TAMM41: variants seen among roughly 807,000 people sequenced by gnomAD.
TAMM41 encodes the protein TAM41 mitochondrial translocator assembly and maintenance homolog, also known as phosphatidate cytidylyltransferase, mitochondrial.
In TAMM41, 36 loss-of-function variants were observed where a neutral mutation model predicts 44.1. That is an observed-to-expected ratio of 0.82 (90% CI 0.63 to 1.08). The LOEUF is 1.08. Among genes scored for constraint, TAMM41 ranks in the 50% least tolerant of loss-of-function variants. The pLI, the probability that TAMM41 is intolerant of heterozygous loss-of-function variation, is 0.00. For synonymous variants in TAMM41, 164 were observed against 153.1 expected, an observed-to-expected ratio of 1.07 and a Z score of -0.53; for missense variants, 417 against 404.3, an observed-to-expected ratio of 1.03 and a Z score of -0.27.
downstream of TAMM41, among the ~76,000 whole-genome samples, chr3:11,788,690 C>G (rs551762424): frequency 1.3e-3 from 204 of 152,280 alleles, no homozygotes; most frequent in Non-Finnish European, 2.3e-3. Flanking sequence ...AATCCCAGCA[C>G]TTTGGGAGGC....
chr3:11,733,921 C>A, the TAMM41 span, among the ~76,000 whole-genome samples: 1,188 of 152,252 alleles, frequency 7.8e-3, 13 homozygotes, highest in African/African-American at 0.025. Flanking sequence ...CTCTGCCAGC[C>A]TCTGGGGCCC....
At chr3:11,810,881 G>C (rs1443989123) in intron 5 of TAMM41, 2 of 151,300 alleles carry the variant, frequency 1.3e-5, no homozygotes, top group Non-Finnish European at 2.9e-5. Flanking sequence ...CCTAGCAAAA[G>C]AGTGAGATAT....
At chr3:11,753,231 G>C in the TAMM41 span, among the ~76,000 whole-genome samples, 1 of 151,780 alleles carries the variant, frequency 6.6e-6, no homozygotes, top group Non-Finnish European at 1.5e-5. Context: ...TTCAAGACCA[G>C]CCTGGGCAAC....
the TAMM41 span, among the ~76,000 whole-genome samples, chr3:11,731,951 C>T: frequency 1.3e-5 from 2 of 151,680 alleles, no homozygotes. Flanking sequence ...ACTGCAACCG[C>T]TGCCTCCTGG....
At chr3:11,768,793 A>C in the TAMM41 span, among the ~76,000 whole-genome samples, 1 of 152,236 alleles carries the variant, frequency 6.6e-6, no homozygotes, top group South Asian at 2.1e-4. Flanking sequence ...GGGAGAGAGA[A>C]ACACATAAAT....
chr3:11,722,056 C>A, the TAMM41 span: 1 of 152,282 alleles, frequency 6.6e-6, no homozygotes, highest in African/African-American at 2.4e-5. Context: ...GTATTATTAT[C>A]TCATTTGATC....
At chr3:11,841,779 C>A (rs2079456812) in intron 2 of TAMM41, among the ~76,000 whole-genome samples, 1 of 152,104 alleles carries the variant, frequency 6.6e-6, no homozygotes, top group Non-Finnish European at 1.5e-5. Context: ...TAGCTGCAGG[C>A]AAGTAACCAC....
chr3:11,724,045 T>G, the TAMM41 span, among the ~76,000 whole-genome samples: 3 of 152,184 alleles, frequency 2.0e-5, no homozygotes, highest in East Asian at 5.8e-4. Context: ...ATGTTTGGAT[T>G]GTTTCATAGC....
intron 4 of TAMM41, among the ~76,000 whole-genome samples, chr3:11,823,660 CTT>C (rs34657936): frequency 4.9e-5 from 6 of 122,356 alleles, no homozygotes; most frequent in Non-Finnish European, 3.4e-5. Context: ...TGCCTTTTTA[CTT>C]TTTTTTTTTT....
the TAMM41 span, among the ~76,000 whole-genome samples, chr3:11,728,066 C>A: frequency 2.0e-5 from 3 of 152,014 alleles, no homozygotes; most frequent in Non-Finnish European, 4.4e-5. Flanking sequence ...GGATTACAGG[C>A]GTGAGCCACC....
intron 3 of TAMM41, among the ~76,000 whole-genome samples, chr3:11,832,768 T>C (rs955491693): frequency 6.6e-6 from 1 of 152,176 alleles, no homozygotes; most frequent in Admixed American, 6.5e-5. Context: ...CACACATCCT[T>C]CTCAATAATT....
chr3:11,765,826 C>T, the TAMM41 span, among the ~76,000 whole-genome samples: 1 of 151,806 alleles, frequency 6.6e-6, no homozygotes, highest in African/African-American at 2.4e-5. Context: ...TTCAGTCTCC[C>T]GAGTAGCTGG....
At chr3:11,765,844 G>A in the TAMM41 span, among the ~76,000 whole-genome samples, 2 of 151,934 alleles carry the variant, frequency 1.3e-5, no homozygotes, top group Admixed American at 6.6e-5. Flanking sequence ...TGGGATTACA[G>A]ATGTGTACCA....
chr3:11,745,801 T>C, the TAMM41 span, among the ~76,000 whole-genome samples: 2 of 152,176 alleles, frequency 1.3e-5, no homozygotes, highest in Non-Finnish European at 2.9e-5. Context: ...GCCACTGAAC[T>C]GTACACTGAA....
chr3:11,751,879 G>A, the TAMM41 span, among the ~76,000 whole-genome samples: 1 of 152,266 alleles, frequency 6.6e-6, no homozygotes, highest in African/African-American at 2.4e-5. Flanking sequence ...ATGAGACTGG[G>A]GTAGGGGTCA....
the TAMM41 span, among the ~76,000 whole-genome samples, chr3:11,742,558 T>C: frequency 6.7e-6 from 1 of 149,588 alleles, no homozygotes. Context: ...CATTTGTGTA[T>C]AAGCTTTTAT....
chr3:11,833,125 G>T, intron 3 of TAMM41: 1 of 1,284,526 alleles, frequency 7.8e-7, no homozygotes, highest in Non-Finnish European at 1.0e-6. Context: ...AAAAGCCAGT[G>T]AACTCTTGGG....
chr3:11,837,321 A>C (rs915148457), intron 3 of TAMM41, among the ~76,000 whole-genome samples: 3 of 152,136 alleles, frequency 2.0e-5, no homozygotes, highest in Admixed American at 2.0e-4. Flanking sequence ...TATAGTAGGA[A>C]GTGTGAGATT....
chr3:11,759,140 A>C, the TAMM41 span, among the ~76,000 whole-genome samples: 1 of 151,518 alleles, frequency 6.6e-6, no homozygotes, highest in Non-Finnish European at 1.5e-5. Flanking sequence ...ATTAAAGAAT[A>C]TAATGGTAAA....
Sources: allele counts gnomAD v4.1 joint callset (sites outside exome capture counted in the v4.1 genomes callset), GRCh38; gene constraint gnomAD v4.1.1; transcripts MANE v1.5; gene names NCBI Gene and HGNC (gene_info 2026-07-23, HGNC 2026-07-21).